Variants in OR6C74 observed in about 807,000 individuals in gnomAD.
OR6C74 encodes olfactory receptor family 6 subfamily C member 74.
For synonymous variants in OR6C74, 142 were observed against 134.2 expected, an observed-to-expected ratio of 1.06 and a Z score of -0.40; for missense variants, 361 against 362.9, an observed-to-expected ratio of 0.99 and a Z score of 0.04.
At position 55,247,592 on chromosome 12, in the gene OR6C74, C is replaced by T. The variant is rs1304680201; in HGVS notation, c.305C>T (p.Thr102Ile). ...YNDCAAQLFF[T>I]ILLGATEFFL... ...GATTGTGCAGCACAGCTGTTTTTCA[C>T]TATTCTCTTGGGGGCAACTGAATTT... The change falls in exon 2 of 2, where the codon ACT becomes ATT. Residue 102 changes from threonine (T) to isoleucine (I), a missense_variant. Thr to Ile is a moderately conservative substitution (Grantham distance 89). Transcript: ENST00000343399. 6.2e-7 allele frequency: 1 copy of T among 1,613,818 alleles called. No homozygotes were observed. The highest frequency in any genetic ancestry group is 8.5e-7 in the Non-Finnish European group (1 of 1,179,914).
chr12:55,246,955 A>C (rs559918346), intron 1 of OR6C74, among the ~76,000 whole-genome samples: 7 of 152,320 alleles, frequency 4.6e-5, no homozygotes, highest in Non-Finnish European at 1.0e-4. Flanking sequence ...CTTCAGAAAA[A>C]ATTCAAATAC....
In OR6C74 at chr12:55,250,292, TAA is replaced by T. The variant is rs1954304033; in HGVS notation, c.*2068_*2069del. 6.6e-6 allele frequency among the ~76,000 whole-genome samples: 1 copy of T among 152,304 alleles called. No individual in the cohort carries two copies. Among genetic ancestry groups the T allele is most frequent in the East Asian group, 1.9e-4 (1 of 5,186 alleles). On this transcript the variant is annotated 3_prime_UTR_variant, in exon 2 of 2. Coordinates refer to ENST00000343399, the MANE Select transcript of OR6C74 (RefSeq NM_001005490.2). ...CATGAACTCTAAGCTCAGCTCTTTT[TAA>T]AGTCTAATATATAGGTAAATCCATA...
Position 55,254,504 on chromosome 12 carries a change from C to G in OR6C74, c.*6278C>G, listed in dbSNP as rs1008644321. Among the ~76,000 whole-genome samples the G allele has an allele frequency of 6.6e-6, 1 of 152,070 alleles. No individual in the cohort carries two copies. Among genetic ancestry groups the G allele is most frequent in the Non-Finnish European group, 1.5e-5 (1 of 67,994 alleles). On this transcript the variant is annotated 3_prime_UTR_variant, in exon 2 of 2. Transcript: ENST00000343399. Reference sequence around the variant, plus strand: ...ATTGCTGTATAATAAACTGCGAGATCAGAGCCTACCTTTGTTTTCAGCACC... The same window carrying G: ...ATTGCTGTATAATAAACTGCGAGATGAGAGCCTACCTTTGTTTTCAGCACC...
In OR6C74 at chr12:55,247,754, C is replaced by T. The variant is rs569390738; in HGVS notation, c.467C>T (p.Pro156Leu). The T allele has an allele frequency of 7.7e-5, 124 of 1,613,856 alleles. 1 individual carries two copies. The South Asian group carries it at 8.1e-4, about 11-fold the overall frequency. The stretch of plus-strand genomic sequence containing the variant: ...ATGGCTGGCTTCCTAATAATTTTTC[C>T]GCCACTCCTGATGGGTCTCCAGCTT... ...SWMAGFLIIF[P>L]PLLMGLQLDF... Residue 156 changes from proline to leucine, a missense_variant, in exon 2 of 2, where the codon CCG becomes CTG. Physicochemically the swap from Pro to Leu is moderately conservative, Grantham distance 98. Transcript: ENST00000343399.
chr12:55,254,172 C>G lies in OR6C74; in HGVS notation c.*5946C>G, dbSNP rs919072098. 6.6e-6 allele frequency among the ~76,000 whole-genome samples: 1 copy of G among 152,072 alleles called. No homozygotes were observed. The highest frequency in any genetic ancestry group is 1.5e-5 in the Non-Finnish European group (1 of 67,978). Reference sequence around the variant, plus strand: ...GAGTTCATTTTAACAAAAGCATCTTCCATCTTCATTTCAAACCAGTGGTTA... The same window carrying G: ...GAGTTCATTTTAACAAAAGCATCTTGCATCTTCATTTCAAACCAGTGGTTA... On this transcript the variant is annotated 3_prime_UTR_variant, in exon 2 of 2. Coordinates refer to ENST00000343399, the MANE Select transcript of OR6C74 (RefSeq NM_001005490.2).
At position 55,249,837 on chromosome 12, in the gene OR6C74, T is replaced by C. The variant is rs1592245203; in HGVS notation, c.*1611T>C. Among the ~76,000 whole-genome samples, 1 of 152,268 alleles carries C rather than the reference T, an allele frequency of 6.6e-6. No individual in the cohort carries two copies. The highest frequency in any genetic ancestry group is 1.5e-5 in the Non-Finnish European group (1 of 68,016). ...TGTTAACATATGTATACATGTGCCA[T>C]GTTGGTGTGCTGCACCCATTAACTT... On this transcript the variant is annotated 3_prime_UTR_variant, in exon 2 of 2. Transcript: ENST00000343399.
intron 1 of OR6C74, among the ~76,000 whole-genome samples, chr12:55,245,097 G>A (rs1015507548): frequency 3.3e-5 from 5 of 152,140 alleles, no homozygotes; most frequent in African/African-American, 1.2e-4. Flanking sequence ...TCTTTGTAAA[G>A]CTATTGAAAC....
Position 55,251,441 on chromosome 12 carries a change from G to T in OR6C74, c.*3215G>T, listed in dbSNP as rs1954310615. Among the ~76,000 whole-genome samples the T allele has an allele frequency of 6.6e-6, 1 of 151,924 alleles. No individual in the cohort carries two copies. The highest frequency in any genetic ancestry group is 2.4e-5 in the African/African-American group (1 of 41,378). ...TTCTACATTCTCTTCATCCAAGCCG[G>T]TGCCTAGTAAGGAATAAATAAAATA... On this transcript the variant is annotated 3_prime_UTR_variant, in exon 2 of 2. Coordinates refer to ENST00000343399, the MANE Select transcript of OR6C74 (RefSeq NM_001005490.2).
At chr12:55,246,945 C>T (rs946446686) in intron 1 of OR6C74, among the ~76,000 whole-genome samples, 28 of 150,476 alleles carry the variant, frequency 1.9e-4, no homozygotes, top group Non-Finnish European at 4.0e-4. Flanking sequence ...AATTTAAATA[C>T]TTCAGAAAAA....
Position 55,249,951 on chromosome 12 carries a change from T to G in OR6C74, c.*1725T>G, listed in dbSNP as rs2136314684. On this transcript the variant is annotated 3_prime_UTR_variant, in exon 2 of 2. Transcript: ENST00000343399. ...CCCCGGTGTGTGATGTTCGCCTTCC[T>G]GTGTCCAGGTGTTCTTATTGTTCAA... is the stretch of plus-strand genomic sequence containing the variant. Among the ~76,000 whole-genome samples the G allele has an allele frequency of 6.6e-6, 1 of 152,250 alleles. No homozygotes were observed. Among genetic ancestry groups the G allele is most frequent in the Non-Finnish European group, 1.5e-5 (1 of 68,016 alleles).
chr12:55,247,224 C>G, intron 1 of OR6C74, 55 bp from the exon 2 acceptor site: 1 of 998,106 alleles, frequency 1.0e-6, no homozygotes. Context: ...AAATGGGTAT[C>G]TCATGCAGAC....
rs1016150244 is a variant in OR6C74 at position 55,255,430 on chromosome 12, A to G, written c.*7204A>G. 2.0e-5 allele frequency among the ~76,000 whole-genome samples: 3 copies of G among 152,158 alleles called. No individual in the cohort carries two copies. Among genetic ancestry groups the G allele is most frequent in the South Asian group, 2.1e-4 (1 of 4,830 alleles). ...ACTAGAAATACCATTTGACCCAGCA[A>G]TCCCATTACTGGGTATATACCCAAA... On this transcript the variant is annotated 3_prime_UTR_variant, in exon 2 of 2. Transcript: ENST00000343399.
At position 55,250,948 on chromosome 12, in the gene OR6C74, G is replaced by A. The variant is rs572475886; in HGVS notation, c.*2722G>A. 2.6e-4 allele frequency among the ~76,000 whole-genome samples: 40 copies of A among 152,090 alleles called. No homozygotes were observed. The South Asian group carries it at 5.8e-3, about 22-fold the overall frequency. ...TCTATTACATAGCCTTCCTGCCTTTGATCTCTAACTCATCCTCCACATTGC... is the reference window on the plus strand; with the variant it reads ...TCTATTACATAGCCTTCCTGCCTTTAATCTCTAACTCATCCTCCACATTGC... On this transcript the variant is annotated 3_prime_UTR_variant, in exon 2 of 2. Coordinates refer to ENST00000343399, the MANE Select transcript of OR6C74 (RefSeq NM_001005490.2).
intron 1 of OR6C74, among the ~76,000 whole-genome samples, chr12:55,245,881 G>GA (rs139823563): frequency 0.027 from 4,122 of 151,810 alleles, 60 homozygotes; most frequent in South Asian, 0.054. Context: ...TACATTTTTA[G>GA]AAAAATGATC....
At position 55,247,919 on chromosome 12, in the gene OR6C74, T is replaced by G; in HGVS notation, c.632T>G (p.Leu211Ter). The change falls in exon 2 of 2, where the codon TTA becomes TGA. Residue 211 changes from leucine (L) to a stop codon, truncating the protein, a stop_gained. Transcript: ENST00000343399. LOFTEE classifies it high-confidence loss of function. ...AILTLLVTLV[L>*]VILSYTNIIR... is the part of the protein sequence containing the mutation. Reference sequence around the variant, plus strand: ...TTGACGCTCCTGGTTACACTGGTATTAGTGATTCTCTCCTACACAAATATT... The same window carrying G: ...TTGACGCTCCTGGTTACACTGGTATGAGTGATTCTCTCCTACACAAATATT... 1 of 1,614,034 alleles carries G rather than the reference T, an allele frequency of 6.2e-7. No homozygotes were observed. Among genetic ancestry groups the G allele is most frequent in the East Asian group, 2.2e-5 (1 of 44,872 alleles).
Position 55,248,113 on chromosome 12 carries a change from A to G in OR6C74, c.826A>G (p.Ser276Gly), listed in dbSNP as rs1170743707. 4 of 1,613,892 alleles carry G rather than the reference A, an allele frequency of 2.5e-6. No homozygotes were observed. The highest frequency in any genetic ancestry group is 3.4e-6 in the Non-Finnish European group (4 of 1,179,756). Residue 276 changes from serine (S) to glycine (G), a missense_variant, in exon 2 of 2, where the codon AGC (serine) becomes GGC (glycine). By Grantham distance (56) the Ser-to-Gly change is moderately conservative (BLOSUM62 0). Transcript: ENST00000343399. ...VSLNKGIALLSTSVAPMLNPF... is the reference protein window; with the variant it reads ...VSLNKGIALLGTSVAPMLNPF... ...ATTAAATAAAGGGATAGCTCTGCTC[A>G]GCACTTCTGTTGCCCCCATGTTGAA...
In OR6C74 at chr12:55,252,394, A is replaced by G. The variant is rs1276854572; in HGVS notation, c.*4168A>G. 7.0e-6 allele frequency among the ~76,000 whole-genome samples: 1 copy of G among 143,704 alleles called. No homozygotes were observed. Among genetic ancestry groups the G allele is most frequent in the African/African-American group, 2.5e-5 (1 of 39,716 alleles). 94.3% of individuals were successfully genotyped at this position (143,704 alleles called of 152,430 possible). A position where few individuals can be genotyped will look rare whatever the true frequency, so the allele number is the denominator to read the frequency against. ...CTGGAAATCACAATAATTATTCTTC[A>G]ATCCCATTCAAATATGCTTTTTTTT... is the stretch of plus-strand genomic sequence containing the variant. On this transcript the variant is annotated 3_prime_UTR_variant, in exon 2 of 2. Transcript: ENST00000343399.
chr12:55,247,295 A>T lies in OR6C74; in HGVS notation c.8A>T (p.Asn3Ile). The change falls in exon 2 of 2, where the codon AAC becomes ATC. Residue 3 changes from asparagine to isoleucine, a missense_variant. Transcript: ENST00000343399. Reference protein sequence around the residue: MRNHTTVANFILL... With the variant: MRIHTTVANFILL... ...TAAAAATAGAAATCAACTATGAGAA[A>T]CCATACAACAGTAGCAAACTTTATT... The T allele has an allele frequency of 1.9e-6, 3 of 1,567,592 alleles. No individual in the cohort carries two copies. Among genetic ancestry groups the T allele is most frequent in the Non-Finnish European group, 1.7e-6 (2 of 1,150,890 alleles).
rs372708945 is a variant in OR6C74 at position 55,248,237 on chromosome 12, C to T, written c.*11C>T. 2.6e-5 allele frequency: 39 copies of T among 1,526,220 alleles called. No individual in the cohort carries two copies. The highest frequency in any genetic ancestry group is 1.8e-4 in the African/African-American group (13 of 72,572). 94.5% of individuals were successfully genotyped at this position (1,526,220 alleles called of 1,614,324 possible). On this transcript the variant is annotated 3_prime_UTR_variant, in exon 2 of 2. Transcript: ENST00000343399. ...TTCTCAATGAAATGAATCACTTTAA[C>T]GATATTATTAAGGTTATTAGTAAAA...
Sources: gnomAD v4.1 joint callset for allele counts (sites outside exome capture counted in the v4.1 genomes callset) on GRCh38, gnomAD v4.1.1 for gene constraint, MANE v1.5 for transcripts, NCBI Gene and HGNC (gene_info 2026-07-23, HGNC 2026-07-21) for gene names.